PLCE1: variants seen among roughly 807,000 people sequenced by gnomAD.
PLCE1 encodes 1-phosphatidylinositol 4,5-bisphosphate phosphodiesterase epsilon-1.
Under a neutral mutation model 242.8 loss-of-function variants are expected in PLCE1, and 119 were observed. The ratio of observed to expected loss-of-function variants is 0.49; its 90% CI spans 0.42 to 0.57. The LOEUF (loss-of-function observed/expected upper bound fraction) is 0.57, where lower values mean the gene tolerates loss of function less well. Among genes scored for constraint, PLCE1 ranks in the 20% least tolerant of loss-of-function variants. The pLI is 0.00. For missense variants in PLCE1, 2,441 were observed against 2,788.8 expected (o/e 0.88, Z 2.81); for synonymous variants, 945 against 1,017.4 (o/e 0.93, Z 1.35).
At chr10:94,250,091 C>T (rs1813651301) in intron 8 of PLCE1, among the ~76,000 whole-genome samples, 1 of 149,778 alleles carries the variant, frequency 6.7e-6, no homozygotes, top group Admixed American at 6.7e-5. Context: ...CTGTTTTCTC[C>T]ACTGCACTCC....
chr10:94,223,486 C>T (rs1334640696), intron 4 of PLCE1, among the ~76,000 whole-genome samples: 4 of 152,078 alleles, frequency 2.6e-5, no homozygotes, highest in Non-Finnish European at 5.9e-5. Flanking sequence ...CAAGAAAATT[C>T]CTTCCAAAAT....
intron 2 of PLCE1, among the ~76,000 whole-genome samples, chr10:94,033,528 A>T (rs748222115): frequency 1.3e-5 from 2 of 152,182 alleles, no homozygotes; most frequent in Non-Finnish European, 2.9e-5. Context: ...TATATTCAGA[A>T]TTAAAGGAAA....
chr10:94,203,158 AGTAG>A (rs1343813458), intron 4 of PLCE1, among the ~76,000 whole-genome samples: 1 of 152,196 alleles, frequency 6.6e-6, no homozygotes, highest in African/African-American at 2.4e-5. Flanking sequence ...AGCTCTGGTA[AGTAG>A]GAGAACTAGA....
chr10:94,151,587 C>T (rs2136116777), intron 3 of PLCE1, among the ~76,000 whole-genome samples: 1 of 152,234 alleles, frequency 6.6e-6, no homozygotes. Flanking sequence ...GAGGTCAAAA[C>T]CAGAGTCACA....
Position 94,259,005 on chromosome 10 carries a change from C to T in PLCE1, c.3678-9C>T, listed in dbSNP as rs538815825. 1 of 1,614,038 alleles carries T rather than the reference C, an allele frequency of 6.2e-7. No homozygotes were observed. Among genetic ancestry groups the T allele is most frequent in the African/African-American group, 1.3e-5 (1 of 75,018 alleles). ...ACTCAATGAGAGGTGTTTTCCATTCCTCATTCAGTGTCAGGAGCCGCAAGG... is the reference window on the plus strand; with the variant it reads ...ACTCAATGAGAGGTGTTTTCCATTCTTCATTCAGTGTCAGGAGCCGCAAGG... On this transcript the variant is annotated splice_polypyrimidine_tract_variant and intron_variant, in intron 12 of 32. Transcript: ENST00000371380.
chr10:94,077,490 C>T (rs1473368839), intron 2 of PLCE1, among the ~76,000 whole-genome samples: 3 of 152,170 alleles, frequency 2.0e-5, no homozygotes, highest in Non-Finnish European at 4.4e-5. Context: ...TTGTTTCCAA[C>T]TCATCTCACC....
intron 2 of PLCE1, among the ~76,000 whole-genome samples, chr10:94,073,279 A>C (rs965842786): frequency 2.6e-5 from 4 of 152,168 alleles, no homozygotes; most frequent in African/African-American, 9.7e-5. Flanking sequence ...TATACTAATC[A>C]GCATTTATAT....
intron 28 of PLCE1, chr10:94,314,782 C>G (rs2053511232): frequency 6.6e-6 from 1 of 152,158 alleles, no homozygotes; most frequent in Non-Finnish European, 1.5e-5. Context: ...ATGGCTCTGT[C>G]TTTCAAGGGC....
intron 3 of PLCE1, among the ~76,000 whole-genome samples, chr10:94,144,523 T>C (rs7906731): frequency 0.024 from 3,727 of 152,286 alleles, 149 homozygotes; most frequent in African/African-American, 0.084. Flanking sequence ...TTCCCACTGA[T>C]GGTTACATGT....
chr10:94,272,902 A>G (rs1470728030), intron 18 of PLCE1, among the ~76,000 whole-genome samples: 1 of 152,012 alleles, frequency 6.6e-6, no homozygotes, highest in East Asian at 1.9e-4. Context: ...TTTTTTTTCA[A>G]TTAAAAAATA....
At chr10:94,233,843 G>A (rs957941861) in intron 5 of PLCE1, among the ~76,000 whole-genome samples, 8 of 151,964 alleles carry the variant, frequency 5.3e-5, no homozygotes, top group African/African-American at 1.9e-4. Context: ...AGCTACTAGG[G>A]AGGCTGAGGC....
Position 94,171,494 on chromosome 10 carries a change from G to A in PLCE1, c.1807G>A (p.Glu603Lys), listed in dbSNP as rs554159388. The A allele has an allele frequency of 2.0e-4, 321 of 1,613,114 alleles. 6 individuals carry two copies. The South Asian group carries it at 3.4e-3, about 17-fold the overall frequency. The change falls in exon 4 of 33, where the codon GAG becomes AAG. Residue 603 changes from glutamate (E) to lysine (K), a missense_variant and splice_region_variant. By Grantham distance (56) the Glu-to-Lys change is moderately conservative. Around this residue, in one of 5 missense-constraint regions of PLCE1, gnomAD observed 733 missense variants for 754.2 expected, o/e 0.97. Transcript: ENST00000371380. ...TGAAGATCTGGTGATGAGGTTTAATGAGGTAAGAAGCCACTTTTTGATGTC... is the reference window on the plus strand; with the variant it reads ...TGAAGATCTGGTGATGAGGTTTAATAAGGTAAGAAGCCACTTTTTGATGTC... ...ALEDLVMRFN[E>K]VSSWVTWLIL...
chr10:94,079,858 A>T (rs1363795794), intron 2 of PLCE1, among the ~76,000 whole-genome samples: 1 of 152,186 alleles, frequency 6.6e-6, no homozygotes, highest in East Asian at 1.9e-4. Flanking sequence ...CAAAAAGCAT[A>T]TGCAAGGAAC....
intron 2 of PLCE1, among the ~76,000 whole-genome samples, chr10:94,115,705 CTA>C (rs2046103735): frequency 6.6e-6 from 1 of 152,162 alleles, no homozygotes; most frequent in Non-Finnish European, 1.5e-5. Context: ...TTCTCCCATT[CTA>C]CAGGTTGCCT....
intron 4 of PLCE1, among the ~76,000 whole-genome samples, chr10:94,222,363 A>G (rs2049782699): frequency 6.6e-6 from 1 of 152,192 alleles, no homozygotes; most frequent in Non-Finnish European, 1.5e-5. Flanking sequence ...TCATTCATTC[A>G]TATGTTCACT....
At chr10:94,161,473 T>G (rs1243943711) in intron 3 of PLCE1, among the ~76,000 whole-genome samples, 1 of 152,210 alleles carries the variant, frequency 6.6e-6, no homozygotes, top group East Asian at 1.9e-4. Flanking sequence ...TATTGGTGTA[T>G]AAGAATACTT....
chr10:94,067,275 C>T (rs1446291538), intron 2 of PLCE1, among the ~76,000 whole-genome samples: 2 of 152,148 alleles, frequency 1.3e-5, no homozygotes, highest in East Asian at 1.9e-4. Flanking sequence ...ATTTGGGTAC[C>T]CTGTTTCTAG....
At chr10:94,026,898 T>A (rs1291448490) in intron 1 of PLCE1, among the ~76,000 whole-genome samples, 1 of 152,196 alleles carries the variant, frequency 6.6e-6, no homozygotes, top group Non-Finnish European at 1.5e-5. Context: ...CTTACCAAGA[T>A]ATTTCAAGGC....
At chr10:94,126,821 G>C (rs559635660) in intron 2 of PLCE1, among the ~76,000 whole-genome samples, 2 of 152,306 alleles carry the variant, frequency 1.3e-5, no homozygotes, top group South Asian at 2.1e-4. Flanking sequence ...GAATGGCCAT[G>C]AAAGGAATTA....
Sources: gnomAD v4.1 joint callset for allele counts (sites outside exome capture counted in the v4.1 genomes callset) on GRCh38, gnomAD v4.1.1 for gene constraint, gnomAD v4.1.1 regional missense constraint, MANE v1.5 for transcripts, NCBI Gene and HGNC (gene_info 2026-07-23, HGNC 2026-07-21) for gene names.